The following CCDC60 variants were observed in gnomAD, a reference collection of about 807,000 sequenced individuals.
The protein encoded by CCDC60 is coiled-coil domain containing 60.
A neutral mutation model predicts 63.5 loss-of-function variants in CCDC60; 54 were observed. The observed-to-expected ratio is 0.85, with a 90% CI of 0.68 to 1.07. The LOEUF (loss-of-function observed/expected upper bound fraction) is 1.07. Among genes scored for constraint, CCDC60 ranks in the 50% least tolerant of loss-of-function variants. CCDC60 has a pLI of 0.00. For synonymous variants in CCDC60, 206 were observed against 238.8 expected, an observed-to-expected ratio of 0.86 and a Z score of 1.27; for missense variants, 651 against 684.3, an observed-to-expected ratio of 0.95 and a Z score of 0.54.
In CCDC60 at chr12:119,505,127, G is replaced by T. The variant is rs1352777904; in HGVS notation, c.707G>T (p.Gly236Val). ...ACCAACCGCAAACCAAGCCGGCGAG[G>T]CTCCACACTCAGTCTGAGTCGGGCC... is the stretch of plus-strand genomic sequence containing the variant. ...RVTNRKPSRR[G>V]STLSLSRASG... The change falls in exon 7 of 14, where the codon GGC becomes GTC. Residue 236 changes from glycine to valine, a missense_variant. Gly to Val is a moderately radical substitution (Grantham distance 109). Coordinates refer to ENST00000327554, the MANE Select transcript of CCDC60 (RefSeq NM_178499.5). 1 of 1,613,260 alleles carries T rather than the reference G, an allele frequency of 6.2e-7. No individual in the cohort carries two copies. The highest frequency in any genetic ancestry group is 2.2e-5 in the East Asian group (1 of 44,836).
Position 119,377,906 on chromosome 12 carries a change from C to T in CCDC60, c.90+42640C>T, listed in dbSNP as rs139704474. On this transcript the variant is annotated intron_variant, in intron 1 of 13. Coordinates refer to ENST00000327554, the MANE Select transcript of CCDC60 (RefSeq NM_178499.5). ...TGTCTCACGCCAGGGAAATCGAGGA[C>T]GCAGACACACAAGAAATGAGTTTAA... 1.5e-4 allele frequency among the ~76,000 whole-genome samples: 23 copies of T among 152,176 alleles called. No individual in the cohort carries two copies. The East Asian group carries it at 2.7e-3, about 18-fold the overall frequency.
At chr12:119,464,843 T>C (rs1232482572) in intron 2 of CCDC60, among the ~76,000 whole-genome samples, 1 of 152,178 alleles carries the variant, frequency 6.6e-6, no homozygotes, top group Non-Finnish European at 1.5e-5. Flanking sequence ...AAATATTACA[T>C]GATGATGTGC....
At chr12:119,374,840 G>A (rs1955934887) in intron 1 of CCDC60, among the ~76,000 whole-genome samples, 1 of 152,192 alleles carries the variant, frequency 6.6e-6, no homozygotes, top group Admixed American at 6.5e-5. Flanking sequence ...GTCATTTCTG[G>A]TTGTTGCCTT....
chr12:119,497,084 C>T (rs760907840), intron 5 of CCDC60, among the ~76,000 whole-genome samples: 6 of 152,274 alleles, frequency 3.9e-5, no homozygotes, highest in East Asian at 3.9e-4. Flanking sequence ...AAAAGGAATC[C>T]GATGACTTCA....
chr12:119,501,196 T>C (rs1056719822), intron 6 of CCDC60, among the ~76,000 whole-genome samples: 5 of 152,202 alleles, frequency 3.3e-5, no homozygotes, highest in African/African-American at 1.2e-4. Flanking sequence ...GCAAACACAC[T>C]TTGAAAATGT....
chr12:119,412,966 T>C (rs1028635785), intron 1 of CCDC60, among the ~76,000 whole-genome samples: 1 of 152,034 alleles, frequency 6.6e-6, no homozygotes, highest in Non-Finnish European at 1.5e-5. Flanking sequence ...ATCTCAAGCC[T>C]CCCGCATTTC....
At chr12:119,383,823 G>A (rs1956033060) in intron 1 of CCDC60, among the ~76,000 whole-genome samples, 1 of 152,202 alleles carries the variant, frequency 6.6e-6, no homozygotes, top group Non-Finnish European at 1.5e-5. Context: ...TCATGAGATG[G>A]GTGAGCGTGT....
intron 1 of CCDC60, among the ~76,000 whole-genome samples, chr12:119,362,338 A>G (rs1955799420): frequency 6.6e-6 from 1 of 152,190 alleles, no homozygotes; most frequent in African/African-American, 2.4e-5. Context: ...CCATGACCTT[A>G]ATAAATATAT....
At chr12:119,337,928 A>G (rs1289507690) in intron 1 of CCDC60, among the ~76,000 whole-genome samples, 3 of 151,748 alleles carry the variant, frequency 2.0e-5, no homozygotes, top group Non-Finnish European at 2.9e-5. Context: ...AGAGTTTTTC[A>G]TCCTACCATA....
intron 13 of CCDC60, among the ~76,000 whole-genome samples, chr12:119,532,112 G>A (rs1040045569): frequency 1.3e-5 from 2 of 152,150 alleles, no homozygotes; most frequent in Non-Finnish European, 2.9e-5. Flanking sequence ...GGATGACCTT[G>A]TAGACAAATT....
intron 1 of CCDC60, among the ~76,000 whole-genome samples, chr12:119,406,190 T>G (rs1168218084): frequency 4.0e-4 from 47 of 117,886 alleles, no homozygotes; most frequent in African/African-American, 1.1e-3. Context: ...TATATATATA[T>G]AGATATATAT....
chr12:119,369,923 C>T (rs1254927356), intron 1 of CCDC60, among the ~76,000 whole-genome samples: 1 of 152,156 alleles, frequency 6.6e-6, no homozygotes, highest in African/African-American at 2.4e-5. Context: ...TTTTGCCTTT[C>T]AATCCACCAC....
In CCDC60 at chr12:119,531,743, G is replaced by A. The variant is rs575942167; in HGVS notation, c.1551+680G>A. 1.5e-3 allele frequency among the ~76,000 whole-genome samples: 227 copies of A among 152,274 alleles called. 2 individuals carry two copies. Among genetic ancestry groups the A allele is most frequent in the African/African-American group, 5.1e-3 (211 of 41,560 alleles). ...CCCAGGGGATTGGAGAGGTCAGTCT[G>A]TGCAAACCTTTGAAGGTCAAGATAA... On this transcript the variant is annotated intron_variant, in intron 13 of 13. Coordinates refer to ENST00000327554, the MANE Select transcript of CCDC60 (RefSeq NM_178499.5).
intron 4 of CCDC60, among the ~76,000 whole-genome samples, chr12:119,485,402 A>T (rs1382544482): frequency 6.6e-6 from 1 of 152,202 alleles, no homozygotes; most frequent in African/African-American, 2.4e-5. Flanking sequence ...GTGTCAGTGG[A>T]TTAGTTTGCT....
intron 9 of CCDC60, among the ~76,000 whole-genome samples, chr12:119,520,611 G>A (rs746141849): frequency 2.2e-4 from 32 of 145,084 alleles, no homozygotes; most frequent in Admixed American, 6.4e-4. Flanking sequence ...GTGTGATCTC[G>A]GCTGACTGCA....
chr12:119,412,720 G>A (rs576450356), intron 1 of CCDC60, among the ~76,000 whole-genome samples: 2 of 152,072 alleles, frequency 1.3e-5, no homozygotes, highest in Admixed American at 6.5e-5. Context: ...AACTTTTGGA[G>A]TGGCTGTGAA....
intron 7 of CCDC60, among the ~76,000 whole-genome samples, chr12:119,507,040 G>A (rs1265276651): frequency 3.9e-5 from 6 of 152,242 alleles, no homozygotes; most frequent in Non-Finnish European, 7.4e-5. Context: ...GGTGTCCAGC[G>A]ACAGAACTGA....
chr12:119,375,659 C>T (rs111747274), intron 1 of CCDC60, among the ~76,000 whole-genome samples: 1,737 of 152,302 alleles, frequency 0.011, 30 homozygotes, highest in African/African-American at 0.04. Context: ...GACTGAGAGA[C>T]CAGAGTCCTT....
rs1185657787 is a variant in CCDC60, at chr12:119,395,139, G to A, written c.91-33544G>A. Among the ~76,000 whole-genome samples the A allele has an allele frequency of 3.3e-5, 5 of 152,166 alleles. No individual in the cohort carries two copies. The South Asian group carries it at 8.3e-4, about 25-fold the overall frequency. On this transcript the variant is annotated intron_variant, in intron 1 of 13. Coordinates refer to ENST00000327554, the MANE Select transcript of CCDC60 (RefSeq NM_178499.5). ...AGTGGCTGCAGAAAAGAGTGTATCT[G>A]GGCAGAGGTGCAACCAACAGATGAA...
Sources: allele counts gnomAD v4.1 joint callset (sites outside exome capture counted in the v4.1 genomes callset), GRCh38; gene constraint gnomAD v4.1.1; transcripts MANE v1.5; gene names NCBI Gene and HGNC (gene_info 2026-07-23, HGNC 2026-07-21).